SEC24B: variants seen among roughly 807,000 people sequenced by gnomAD.
SEC24B encodes protein transport protein Sec24B.
In SEC24B, 45 loss-of-function variants were observed where a neutral mutation model predicts 142.8. That is an observed-to-expected ratio of 0.32 (90% CI 0.25 to 0.40). The LOEUF (loss-of-function observed/expected upper bound fraction) is 0.40. Ranked by LOEUF, SEC24B falls within the 10% of genes least tolerant of loss-of-function variation. SEC24B has a pLI of 1.00. For synonymous variants in SEC24B, 574 were observed against 568.2 expected, an observed-to-expected ratio of 1.01 and a Z score of -0.15; for missense variants, 1,409 against 1,526.8, an observed-to-expected ratio of 0.92 and a Z score of 1.29.
At chr4:109,508,574 T>C (rs1023973939) in intron 7 of SEC24B, among the ~76,000 whole-genome samples, 1 of 151,498 alleles carries the variant, frequency 6.6e-6, no homozygotes, top group African/African-American at 2.4e-5. Context: ...CTCAAAAAAA[T>C]AAAAAATTAT....
rs1014698001 is a variant in SEC24B, at chr4:109,475,715, C to T, written c.1060+2529C>T. Among the ~76,000 whole-genome samples the T allele has an allele frequency of 3.9e-5, 6 of 152,074 alleles. No individual in the cohort carries two copies. In the East Asian group the frequency reaches 7.7e-4, roughly 20 times the overall value. ...TACCCTTTGGAATGATACCTACCAT[C>T]GTCCTTTTGCAAAACACACAAATAC... On this transcript the variant is annotated intron_variant, in intron 3 of 23. Coordinates refer to ENST00000265175, the MANE Select transcript of SEC24B (RefSeq NM_006323.5).
chr4:109,482,979 T>TATATACACACACACAC (rs781527364), intron 4 of SEC24B, among the ~76,000 whole-genome samples: 5 of 26,412 alleles, frequency 1.9e-4, no homozygotes, highest in Non-Finnish European at 3.8e-4. Flanking sequence ...TATATATATA[T>TATATACACACACACAC]ACACACACAC....
chr4:109,455,622 T>A (rs1026940184), intron 1 of SEC24B, among the ~76,000 whole-genome samples: 44 of 152,254 alleles, frequency 2.9e-4, no homozygotes, highest in African/African-American at 1.1e-3. Flanking sequence ...TGTAGATATC[T>A]AGTTATTCCA....
chr4:109,462,910 A>G lies in SEC24B; in HGVS notation c.143A>G (p.Gln48Arg). The G allele has an allele frequency of 6.2e-7, 1 of 1,607,452 alleles. No individual in the cohort carries two copies. The highest frequency in any genetic ancestry group is 8.5e-7 in the Non-Finnish European group (1 of 1,179,004). ...ATACTTGCTTTTTCAGGTCCAGCCC[A>G]GAATCAAATGCAGGTTCCATCTGGA... ...PAPHQQNGPA[Q>R]NQMQVPSGYG... Residue 48 changes from glutamine (Q) to arginine (R), a missense_variant, in exon 2 of 24, where the codon CAG becomes CGG. Gln to Arg is a conservative substitution (Grantham distance 43, BLOSUM62 1). Transcript: ENST00000265175.
At chr4:109,506,650 T>G (rs1736719641) in intron 7 of SEC24B, 138 bp downstream of exon 7, 2 of 593,494 alleles carry the variant, frequency 3.4e-6, no homozygotes, top group Non-Finnish European at 5.2e-6. Flanking sequence ...TTTGTATAGA[T>G]GTAAAATTTG....
At chr4:109,513,623 A>G (rs542204403) in intron 9 of SEC24B, 124 bp from the exon 10 acceptor site, 7 of 617,052 alleles carry the variant, frequency 1.1e-5, no homozygotes, top group South Asian at 5.8e-5. Flanking sequence ...TTACCATTAA[A>G]TGTTCGCAGA....
chr4:109,537,172 A>G (rs933276398), intron 22 of SEC24B, among the ~76,000 whole-genome samples: 1 of 144,914 alleles, frequency 6.9e-6, no homozygotes, highest in Non-Finnish European at 1.5e-5. Flanking sequence ...CTCACTCATA[A>G]TTAGGAAAAA....
chr4:109,433,855 G>A lies in SEC24B; in HGVS notation c.-15G>A. 3.1e-6 allele frequency: 4 copies of A among 1,303,846 alleles called. No individual in the cohort carries two copies. The highest frequency in any genetic ancestry group is 4.0e-5 in the South Asian group (2 of 49,480). The allele number at this position is 1,303,846 out of a possible 1,614,324, so 80.8% of individuals were successfully genotyped here. A position where few individuals can be genotyped will look rare whatever the true frequency, so the allele number is the denominator to read the frequency against. On this transcript the variant is annotated 5_prime_UTR_variant, in exon 1 of 24. Transcript: ENST00000265175. Reference sequence around the variant, plus strand: ...ACCTCCCTGAAGCGGAGCCGCCGTCGCCACCAGCGCCGTCATGTCGGCCCC... The same window carrying A: ...ACCTCCCTGAAGCGGAGCCGCCGTCACCACCAGCGCCGTCATGTCGGCCCC...
chr4:109,532,642 G>T lies in SEC24B; in HGVS notation c.3394G>T (p.Ala1132Ser). 1.9e-6 allele frequency: 3 copies of T among 1,610,574 alleles called. No individual in the cohort carries two copies. The highest frequency in any genetic ancestry group is 2.5e-6 in the Non-Finnish European group (3 of 1,176,932). The stretch of plus-strand genomic sequence containing the variant: ...CATTCTCTCTTTTTCTTTTCAGGGT[G>T]CAGTACATGTTAATGACAGGATTGT... ...YRIDRLTDEG[A>S]VHVNDRIVPQ... is the part of the protein sequence containing the mutation. The change falls in exon 21 of 24, where the codon GCA becomes TCA. Residue 1132 changes from alanine to serine, a missense_variant. Around this residue, in one of 2 missense-constraint regions of SEC24B, gnomAD observed 700 missense variants for 853.3 expected, o/e 0.82. Transcript: ENST00000265175.
At chr4:109,435,758 C>G (rs1441407451) in intron 1 of SEC24B, among the ~76,000 whole-genome samples, 3 of 152,118 alleles carry the variant, frequency 2.0e-5, no homozygotes, top group Admixed American at 2.0e-4. Flanking sequence ...TTATTGCATG[C>G]TTACCAGTTG....
At chr4:109,490,171 A>G (rs907309094) in intron 4 of SEC24B, among the ~76,000 whole-genome samples, 4 of 152,098 alleles carry the variant, frequency 2.6e-5, no homozygotes, top group African/African-American at 9.6e-5. Context: ...TATTCTTAGG[A>G]GAAAAGAACC....
rs528918009 is a variant in SEC24B, at chr4:109,505,766, G to C, written c.1489-562G>C. Among the ~76,000 whole-genome samples the C allele has an allele frequency of 7.9e-5, 12 of 152,232 alleles. No homozygotes were observed. The South Asian group carries it at 1.2e-3, about 16-fold the overall frequency. On this transcript the variant is annotated intron_variant, in intron 6 of 23. Coordinates refer to ENST00000265175, the MANE Select transcript of SEC24B (RefSeq NM_006323.5). The stretch of plus-strand genomic sequence containing the variant: ...GTAAGAAAGCAAGGAAACTATCAAA[G>C]GCTAGTTAGGTTCATATAAAAGGAC...
At chr4:109,500,023 T>C (rs1200721896) in intron 6 of SEC24B, among the ~76,000 whole-genome samples, 1 of 152,198 alleles carries the variant, frequency 6.6e-6, no homozygotes, top group African/African-American at 2.4e-5. Context: ...GACAGTGATA[T>C]TGATCCTGAT....
chr4:109,512,069 ATAGAG>A lies in SEC24B; in HGVS notation c.1892_1896del (p.Arg631LysfsTer5). ...CGTAGATGGAAATGCAATTTGTGCT[ATAGAG>A]TAAACGATGGTGAGTTTTAGATTCT... On this transcript the variant is annotated frameshift_variant, in exon 9 of 24. Coordinates refer to ENST00000265175, the MANE Select transcript of SEC24B (RefSeq NM_006323.5). LOFTEE classifies it high-confidence loss of function. The A allele has an allele frequency of 6.2e-7, 1 of 1,611,092 alleles. No individual in the cohort carries two copies. Among genetic ancestry groups the A allele is most frequent in the Non-Finnish European group, 8.5e-7 (1 of 1,179,124 alleles).
At chr4:109,482,620 A>G (rs1464739793) in intron 4 of SEC24B, among the ~76,000 whole-genome samples, 1 of 151,784 alleles carries the variant, frequency 6.6e-6, no homozygotes, top group East Asian at 1.9e-4. Flanking sequence ...ATTTTGTACT[A>G]TATATATTTT....
intron 7 of SEC24B, 58 bp downstream of exon 7, chr4:109,506,570 C>G (rs1736712551): frequency 4.3e-6 from 5 of 1,150,142 alleles, no homozygotes; most frequent in Non-Finnish European, 5.9e-6. Flanking sequence ...GTATGACTTT[C>G]AAAAATAGTA....
intron 1 of SEC24B, among the ~76,000 whole-genome samples, chr4:109,446,672 G>A (rs1312305216): frequency 6.6e-6 from 1 of 152,188 alleles, no homozygotes; most frequent in East Asian, 1.9e-4. Context: ...AGGGTAAAAA[G>A]TGTAACACGC....
At chr4:109,518,443 T>C (rs1039843055) in intron 11 of SEC24B, among the ~76,000 whole-genome samples, 20 of 152,188 alleles carry the variant, frequency 1.3e-4, no homozygotes, top group Non-Finnish European at 7.3e-5. Context: ...ATATGAATAC[T>C]TTGTCCCAAG....
chr4:109,476,301 T>C (rs1198724630), intron 3 of SEC24B, among the ~76,000 whole-genome samples: 2 of 151,828 alleles, frequency 1.3e-5, no homozygotes, highest in African/African-American at 4.9e-5. Context: ...CTACAGCTTT[T>C]ATTGTTGGTA....
Sources: gnomAD v4.1 joint callset for allele counts (sites outside exome capture counted in the v4.1 genomes callset) on GRCh38, gnomAD v4.1.1 for gene constraint, gnomAD v4.1.1 regional missense constraint, MANE v1.5 for transcripts, NCBI Gene and HGNC (gene_info 2026-07-23, HGNC 2026-07-21) for gene names.